Variants in L3MBTL4 observed in about 807,000 individuals in gnomAD.
L3MBTL4 encodes L3MBTL histone methyl-lysine binding protein 4.
In L3MBTL4, 70 loss-of-function variants were observed where a neutral mutation model predicts 84.5. That is an observed-to-expected ratio of 0.83 (90% CI 0.68 to 1.01). The LOEUF (loss-of-function observed/expected upper bound fraction) is 1.01, where lower values mean the gene tolerates loss of function less well. L3MBTL4 is among the 50% of genes least tolerant of loss of function. The pLI is 0.00. For missense variants in L3MBTL4, 715 were observed against 754.8 expected (o/e 0.95, Z 0.62); for synonymous variants, 274 against 259.8 (o/e 1.05, Z -0.52).
At chr18:6,383,253 G>C (rs1474257108) in intron 1 of L3MBTL4, among the ~76,000 whole-genome samples, 1 of 152,058 alleles carries the variant, frequency 6.6e-6, no homozygotes, top group Non-Finnish European at 1.5e-5. Context: ...GGGCTCCGTG[G>C]GGGTAGGACC....
At chr18:6,393,531 A>T (rs919373400) in intron 1 of L3MBTL4, among the ~76,000 whole-genome samples, 1 of 152,176 alleles carries the variant, frequency 6.6e-6, no homozygotes, top group African/African-American at 2.4e-5. Flanking sequence ...TCCACAGGCT[A>T]ACTCACATTG....
intron 11 of L3MBTL4, among the ~76,000 whole-genome samples, chr18:6,214,549 C>T (rs541845350): frequency 1.5e-4 from 23 of 152,206 alleles, no homozygotes; most frequent in Admixed American, 5.2e-4. Flanking sequence ...TAAAACCCAA[C>T]TAATATGTCA....
At chr18:6,198,334 A>G (rs2145618519) in intron 12 of L3MBTL4, among the ~76,000 whole-genome samples, 1 of 152,258 alleles carries the variant, frequency 6.6e-6, no homozygotes, top group Non-Finnish European at 1.5e-5. Flanking sequence ...AAGATTTCTG[A>G]TATTTACCAG....
intron 5 of L3MBTL4, among the ~76,000 whole-genome samples, chr18:6,252,073 A>G (rs951533750): frequency 1.3e-5 from 2 of 152,224 alleles, no homozygotes; most frequent in Non-Finnish European, 2.9e-5. Flanking sequence ...GCACTTTGGG[A>G]GGCCAAGGTG....
intron 16 of L3MBTL4, among the ~76,000 whole-genome samples, chr18:5,987,864 T>C (rs1220443953): frequency 6.6e-6 from 1 of 151,100 alleles, no homozygotes; most frequent in African/African-American, 2.5e-5. Flanking sequence ...TTGCATGTAG[T>C]TTCATTTCAG....
At chr18:6,071,561 G>A (rs2145980574) in intron 16 of L3MBTL4, among the ~76,000 whole-genome samples, 1 of 151,254 alleles carries the variant, frequency 6.6e-6, no homozygotes, top group South Asian at 2.1e-4. Flanking sequence ...GCTTGAGTCT[G>A]GGAGGCCAAG....
intron 1 of L3MBTL4, among the ~76,000 whole-genome samples, chr18:6,313,868 C>T (rs1434366741): frequency 6.6e-6 from 1 of 152,112 alleles, no homozygotes; most frequent in East Asian, 1.9e-4. Flanking sequence ...GAAATTTCAA[C>T]ATACAATTTG....
chr18:6,343,661 C>CAAAAAAAAAAAAAAA (rs1192917126), intron 1 of L3MBTL4, among the ~76,000 whole-genome samples: 1 of 85,828 alleles, frequency 1.2e-5, no homozygotes, highest in Non-Finnish European at 2.5e-5. Context: ...GACACCATAT[C>CAAAAAAAAAAAAAAA]AAAAAAAAAA....
chr18:6,208,703 C>T lies in L3MBTL4; in HGVS notation c.981+4446G>A, dbSNP rs868224560. Among the ~76,000 whole-genome samples the T allele has an allele frequency of 1.9e-4, 29 of 152,308 alleles. No individual in the cohort carries two copies. In the Middle Eastern group the frequency reaches 0.01, roughly 54 times the overall value. Reference sequence around the variant, plus strand: ...TTTCTGATAAGGCAACAGTAATGGGCTTTCAGATATAACAGCACACACTGT... The same window carrying T: ...TTTCTGATAAGGCAACAGTAATGGGTTTTCAGATATAACAGCACACACTGT... On this transcript the variant is annotated intron_variant, in intron 12 of 18. Coordinates refer to ENST00000317931, the MANE Select transcript of L3MBTL4 (RefSeq NM_001330559.2).
intron 16 of L3MBTL4, among the ~76,000 whole-genome samples, chr18:5,972,177 G>A (rs2052671143): frequency 6.6e-6 from 1 of 152,152 alleles, no homozygotes; most frequent in Non-Finnish European, 1.5e-5. Flanking sequence ...CTGTTTACAG[G>A]CAACCTCAAG....
intron 1 of L3MBTL4, among the ~76,000 whole-genome samples, chr18:6,382,119 A>G (rs753338722): frequency 1.3e-4 from 20 of 152,098 alleles, no homozygotes; most frequent in Non-Finnish European, 2.2e-4. Context: ...TACTTGATCA[A>G]TTTGGCTATT....
At chr18:6,160,484 C>T (rs142907411) in intron 13 of L3MBTL4, among the ~76,000 whole-genome samples, 1,925 of 152,296 alleles carry the variant, frequency 0.013, 35 homozygotes, top group African/African-American at 0.044. Flanking sequence ...GTAATCCCAA[C>T]ACTTTGGGAG....
At chr18:6,261,275 G>A (rs944769347) in intron 5 of L3MBTL4, among the ~76,000 whole-genome samples, 4 of 152,216 alleles carry the variant, frequency 2.6e-5, no homozygotes, top group Admixed American at 6.5e-5. Context: ...TCTTAAACAC[G>A]TGGGCAGCTT....
intron 13 of L3MBTL4, among the ~76,000 whole-genome samples, chr18:6,169,844 A>G (rs1282361630): frequency 6.6e-6 from 1 of 151,808 alleles, no homozygotes; most frequent in Non-Finnish European, 1.5e-5. Flanking sequence ...TAATAATAAT[A>G]AAAGAAAAAT....
Position 5,955,338 on chromosome 18 carries a change from A to C in L3MBTL4, c.*882T>G, listed in dbSNP as rs2095221014. 6.6e-6 allele frequency: 1 copy of C among 152,270 alleles called. No homozygotes were observed. Among genetic ancestry groups the C allele is most frequent in the African/African-American group, 2.4e-5 (1 of 41,448 alleles). The allele number at this position is 152,270 out of a possible 1,614,324, so 9.4% of individuals were successfully genotyped here. A position where few individuals can be genotyped will look rare whatever the true frequency, so the allele number is the denominator to read the frequency against. On this transcript the variant is annotated 3_prime_UTR_variant, in exon 19 of 19. Transcript: ENST00000317931. Reference sequence around the variant, plus strand: ...CACAGCCCCAGATGTAATATAACACAGCTCCTTATTACAGGGGTTCTGGCA... The same window carrying C: ...CACAGCCCCAGATGTAATATAACACCGCTCCTTATTACAGGGGTTCTGGCA...
At chr18:6,004,638 T>G (rs2054380853) in intron 16 of L3MBTL4, among the ~76,000 whole-genome samples, 1 of 152,136 alleles carries the variant, frequency 6.6e-6, no homozygotes, top group Non-Finnish European at 1.5e-5. Flanking sequence ...AACAGATAAA[T>G]TATGTCATAT....
chr18:6,412,784 C>T (rs1489060603), intron 1 of L3MBTL4, among the ~76,000 whole-genome samples: 3 of 152,188 alleles, frequency 2.0e-5, no homozygotes, highest in Middle Eastern at 6.8e-3. Flanking sequence ...TAAGAAGTGT[C>T]GTTTAAGATA....
intron 1 of L3MBTL4, among the ~76,000 whole-genome samples, chr18:6,401,754 G>A (rs1318422661): frequency 2.0e-5 from 3 of 152,214 alleles, no homozygotes; most frequent in Non-Finnish European, 4.4e-5. Flanking sequence ...CACATACTGT[G>A]TGGTGACACC....
intron 1 of L3MBTL4, among the ~76,000 whole-genome samples, chr18:6,370,825 T>A (rs1190742578): frequency 6.6e-6 from 1 of 152,110 alleles, no homozygotes; most frequent in Non-Finnish European, 1.5e-5. Flanking sequence ...TTTAAAAAAA[T>A]TAAAAATTTG....
Sources: gnomAD v4.1 joint callset for allele counts (sites outside exome capture counted in the v4.1 genomes callset) on GRCh38, gnomAD v4.1.1 for gene constraint, MANE v1.5 for transcripts, NCBI Gene and HGNC (gene_info 2026-07-23, HGNC 2026-07-21) for gene names.